KCNMB2: variants seen among roughly 807,000 people sequenced by gnomAD.
KCNMB2 encodes the protein calcium-activated potassium channel subunit beta-2.
KCNMB2 carries 9 observed loss-of-function variants against 24.5 expected under a neutral mutation model. That is an observed-to-expected ratio of 0.37 (90% CI 0.22 to 0.64). The LOEUF (loss-of-function observed/expected upper bound fraction) is 0.64. KCNMB2 is among the 30% of genes least tolerant of loss of function. KCNMB2 has a pLI of 0.63. For synonymous variants in KCNMB2, 109 were observed against 104.4 expected (o/e 1.04, Z -0.27); for missense variants, 226 against 284.3 (o/e 0.79, Z 1.47).
At chr3:178,763,798 G>A (rs530731727) in intron 1 of KCNMB2, among the ~76,000 whole-genome samples, 2 of 152,076 alleles carry the variant, frequency 1.3e-5, no homozygotes, top group Non-Finnish European at 2.9e-5. Flanking sequence ...AAAACCATAG[G>A]TTATGTTATA....
chr3:178,653,835 T>A (rs1388044472), intron 1 of KCNMB2, among the ~76,000 whole-genome samples: 1 of 152,166 alleles, frequency 6.6e-6, no homozygotes, highest in Non-Finnish European at 1.5e-5. Context: ...ATAACCATCA[T>A]TGAAATTGGC....
At chr3:178,644,615 T>C (rs1719847747) in intron 1 of KCNMB2, among the ~76,000 whole-genome samples, 1 of 152,178 alleles carries the variant, frequency 6.6e-6, no homozygotes, top group Non-Finnish European at 1.5e-5. Context: ...AGATTGTCCT[T>C]AAGCTAAAGA....
At chr3:178,761,773 T>C (rs1240616924) in intron 1 of KCNMB2, among the ~76,000 whole-genome samples, 1 of 152,106 alleles carries the variant, frequency 6.6e-6, no homozygotes, top group Non-Finnish European at 1.5e-5. Flanking sequence ...ATAGACAATG[T>C]CCCTAATATC....
chr3:178,728,429 A>G (rs1378544381), intron 1 of KCNMB2, among the ~76,000 whole-genome samples: 1 of 152,196 alleles, frequency 6.6e-6, no homozygotes, highest in Non-Finnish European at 1.5e-5. Context: ...TATTTTTCAT[A>G]TAAAAAGTGT....
At chr3:178,763,209 T>C (rs1711978732) in intron 1 of KCNMB2, among the ~76,000 whole-genome samples, 1 of 152,164 alleles carries the variant, frequency 6.6e-6, no homozygotes, top group Non-Finnish European at 1.5e-5. Flanking sequence ...ATTAGGGAAC[T>C]GTAGGTGATG....
chr3:178,810,021 T>A (rs1390184332), intron 2 of KCNMB2, among the ~76,000 whole-genome samples: 2 of 152,106 alleles, frequency 1.3e-5, no homozygotes, highest in African/African-American at 4.8e-5. Flanking sequence ...TCTGTGCTTT[T>A]TTTTTGACCA....
At chr3:178,801,612 C>T (rs889836147) in intron 1 of KCNMB2, among the ~76,000 whole-genome samples, 1 of 152,064 alleles carries the variant, frequency 6.6e-6, no homozygotes, top group African/African-American at 2.4e-5. Flanking sequence ...TAAGAATCCA[C>T]AAAAGAAATG....
At chr3:178,837,807 G>A (rs1715286557) in intron 4 of KCNMB2, among the ~76,000 whole-genome samples, 1 of 151,800 alleles carries the variant, frequency 6.6e-6, no homozygotes, top group Non-Finnish European at 1.5e-5. Flanking sequence ...TGTTCTCAGT[G>A]GTAGTTTATA....
At chr3:178,725,908 T>A (rs913701492) in intron 1 of KCNMB2, among the ~76,000 whole-genome samples, 3 of 151,882 alleles carry the variant, frequency 2.0e-5, no homozygotes, top group African/African-American at 7.2e-5. Flanking sequence ...AATCTCTATG[T>A]TTTAGTTGGT....
At chr3:178,740,072 CAAGT>C (rs1365230222) in intron 1 of KCNMB2, among the ~76,000 whole-genome samples, 2 of 151,952 alleles carry the variant, frequency 1.3e-5, no homozygotes, top group East Asian at 3.9e-4. Context: ...GAAATGTCAG[CAAGT>C]GATTTTTTTT....
intron 1 of KCNMB2, among the ~76,000 whole-genome samples, chr3:178,630,404 A>T (rs956518693): frequency 2.0e-5 from 3 of 152,252 alleles, no homozygotes; most frequent in Non-Finnish European, 2.9e-5. Flanking sequence ...GCTGTTCCAC[A>T]TAAGAATTTT....
At chr3:178,546,519 C>T (rs981753755) in intron 1 of KCNMB2, among the ~76,000 whole-genome samples, 1 of 152,178 alleles carries the variant, frequency 6.6e-6, no homozygotes, top group Admixed American at 6.5e-5. Flanking sequence ...AACCTATGAA[C>T]GTCCTAAGGT....
chr3:178,775,455 C>A (rs1380726245), intron 1 of KCNMB2, among the ~76,000 whole-genome samples: 1 of 152,158 alleles, frequency 6.6e-6, no homozygotes, highest in Non-Finnish European at 1.5e-5. Flanking sequence ...AATGACCTAA[C>A]ACTTATATTC....
chr3:178,685,735 C>G (rs954196672), intron 1 of KCNMB2, among the ~76,000 whole-genome samples: 17 of 152,176 alleles, frequency 1.1e-4, no homozygotes, highest in Middle Eastern at 6.8e-3. Flanking sequence ...AACGTTCCCA[C>G]AGCCTAGCAG....
At chr3:178,810,277 C>T (rs1242968283) in intron 2 of KCNMB2, among the ~76,000 whole-genome samples, 1 of 152,202 alleles carries the variant, frequency 6.6e-6, no homozygotes, top group African/African-American at 2.4e-5. Context: ...TCAGTTTCTT[C>T]TTGTTCTGCA....
chr3:178,576,007 C>T (rs1282446807), intron 1 of KCNMB2, among the ~76,000 whole-genome samples: 2 of 152,008 alleles, frequency 1.3e-5, no homozygotes, highest in African/African-American at 4.8e-5. Flanking sequence ...TGCCACCTTT[C>T]CTATATCACT....
intron 4 of KCNMB2, 106 bp from the exon 5 acceptor site, chr3:178,842,547 C>A: frequency 1.4e-6 from 1 of 727,596 alleles, no homozygotes; most frequent in Non-Finnish European, 2.3e-6. Flanking sequence ...GAATAACCAC[C>A]ATGGTTATTT....
chr3:178,551,894 A>T (rs1715965016), intron 1 of KCNMB2, among the ~76,000 whole-genome samples: 1 of 152,106 alleles, frequency 6.6e-6, no homozygotes, highest in Non-Finnish European at 1.5e-5. Flanking sequence ...ATCCCATTTG[A>T]CACCTGCTGG....
intron 1 of KCNMB2, among the ~76,000 whole-genome samples, chr3:178,613,813 T>G (rs889394430): frequency 1.3e-5 from 2 of 152,212 alleles, no homozygotes; most frequent in African/African-American, 4.8e-5. Context: ...TTCTTTGGGT[T>G]AAATCTGCTT....
Sources: allele counts gnomAD v4.1 joint callset (sites outside exome capture counted in the v4.1 genomes callset), GRCh38; gene constraint gnomAD v4.1.1; transcripts MANE v1.5; gene names NCBI Gene and HGNC (gene_info 2026-07-23, HGNC 2026-07-21).